Variants in CIMAP1D observed in about 807,000 individuals in gnomAD.
CIMAP1D encodes CIMAP1 family member D, also known as protein CIMAP1D.
chr19:476,085 G>A, the CIMAP1D span, among the ~76,000 whole-genome samples: 121 of 128,302 alleles, frequency 9.4e-4, 1 homozygote, highest in African/African-American at 3.3e-3. Flanking sequence ...TGGAACCTCC[G>A]CCTCCAGGGT....
chr19:477,387 A>C, the CIMAP1D span, among the ~76,000 whole-genome samples: 1 of 152,278 alleles, frequency 6.6e-6, no homozygotes, highest in African/African-American at 2.4e-5. Flanking sequence ...CAGCCTGGCC[A>C]CCATGGTGAA....
chr19:487,236 A>G, the CIMAP1D span, among the ~76,000 whole-genome samples: 1 of 152,138 alleles, frequency 6.6e-6, no homozygotes, highest in Non-Finnish European at 1.5e-5. Context: ...TGGTTGGCTC[A>G]TGTTGGCAGC....
the CIMAP1D span, among the ~76,000 whole-genome samples, chr19:479,055 C>T: frequency 3.3e-5 from 5 of 152,064 alleles, no homozygotes; most frequent in African/African-American, 9.7e-5. Context: ...TGTTGGAGGC[C>T]GAAAGAGTGA....
At chr19:481,582 A>T in the CIMAP1D span, among the ~76,000 whole-genome samples, 358 of 147,804 alleles carry the variant, frequency 2.4e-3, 4 homozygotes, top group Non-Finnish European at 1.2e-3. Flanking sequence ...GGGAAGGATG[A>T]TGGAGAAGGA....
the CIMAP1D span, among the ~76,000 whole-genome samples, chr19:470,373 ATTT>A: frequency 6.8e-6 from 1 of 148,006 alleles, no homozygotes; most frequent in African/African-American, 2.5e-5. Context: ...CGCCCGGCTA[ATTT>A]TTTTTTTTTT....
At chr19:483,505 G>C in the CIMAP1D span, among the ~76,000 whole-genome samples, 1 of 152,228 alleles carries the variant, frequency 6.6e-6, no homozygotes, top group Non-Finnish European at 1.5e-5. Context: ...ATGAGATCAT[G>C]GTGGGCTGAA....
At chr19:471,585 G>A in the CIMAP1D span, among the ~76,000 whole-genome samples, 1 of 152,078 alleles carries the variant, frequency 6.6e-6, no homozygotes, top group East Asian at 1.9e-4. Flanking sequence ...TGGGACCACA[G>A]GCACACACTA....
At chr19:482,670 C>T in the CIMAP1D span, among the ~76,000 whole-genome samples, 3 of 152,138 alleles carry the variant, frequency 2.0e-5, no homozygotes, top group Non-Finnish European at 4.4e-5. Context: ...TGCTCACAGG[C>T]GCCACCCCAC....
the CIMAP1D span, among the ~76,000 whole-genome samples, chr19:486,473 C>T: frequency 1.3e-5 from 2 of 151,744 alleles, no homozygotes; most frequent in Non-Finnish European, 2.9e-5. Flanking sequence ...TGGAGTCTTG[C>T]TCTATCACCC....
chr19:484,697 G>A, the CIMAP1D span, among the ~76,000 whole-genome samples: 2 of 152,196 alleles, frequency 1.3e-5, no homozygotes. Flanking sequence ...ACCGCACCTG[G>A]CGAGGCGGAG....
chr19:479,414 G>A, the CIMAP1D span, among the ~76,000 whole-genome samples: 11 of 114,800 alleles, frequency 9.6e-5, 2 homozygotes, highest in South Asian at 2.5e-3. Context: ...TTTTTTTTGG[G>A]GGGGGGGGGG....
the CIMAP1D span, among the ~76,000 whole-genome samples, chr19:483,394 C>T: frequency 0.26 from 39,200 of 152,002 alleles, 5,082 homozygotes; most frequent in East Asian, 0.28. Flanking sequence ...GCTGCCACTG[C>T]GTCTAGCACA....
the CIMAP1D span, among the ~76,000 whole-genome samples, chr19:484,139 C>CTTTT: frequency 6.2e-5 from 8 of 129,444 alleles, no homozygotes; most frequent in Non-Finnish European, 1.1e-4. Context: ...TTTTCTTTTT[C>CTTTT]TTTTTTTTTT....
chr19:483,053 T>C, the CIMAP1D span, among the ~76,000 whole-genome samples: 3 of 152,068 alleles, frequency 2.0e-5, no homozygotes, highest in Non-Finnish European at 4.4e-5. Context: ...CTCCACAGGG[T>C]CACTCTGAAG....
At chr19:464,264 G>T in the CIMAP1D span, 2 of 1,537,436 alleles carry the variant, frequency 1.3e-6, no homozygotes, top group Non-Finnish European at 8.8e-7. Context: ...GGGGCTTCAG[G>T]GGGAGGCGGC....
chr19:480,716 GTGGGAAGGATGA>G, the CIMAP1D span, among the ~76,000 whole-genome samples: 8 of 129,830 alleles, frequency 6.2e-5, no homozygotes, highest in Middle Eastern at 4.1e-3. Context: ...GAGAAGGAAT[GTGGGAAGGATGA>G]TGGGAAGGAT....
the CIMAP1D span, among the ~76,000 whole-genome samples, chr19:479,178 G>A: frequency 6.6e-6 from 1 of 152,142 alleles, no homozygotes; most frequent in African/African-American, 2.4e-5. Flanking sequence ...GTGCAGAAGG[G>A]CTGCTGAGGG....
the CIMAP1D span, among the ~76,000 whole-genome samples, chr19:469,214 G>A: frequency 6.8e-6 from 1 of 147,124 alleles, no homozygotes; most frequent in Admixed American, 6.6e-5. Flanking sequence ...GGAAGAGGCT[G>A]GGGAGATTCT....
At chr19:488,565 C>A in the CIMAP1D span, among the ~76,000 whole-genome samples, 1 of 152,250 alleles carries the variant, frequency 6.6e-6, no homozygotes, top group Non-Finnish European at 1.5e-5. Flanking sequence ...CGAGCGCCCT[C>A]GTCCCTCGCG....
Sources: gnomAD v4.1 joint callset for allele counts (sites outside exome capture counted in the v4.1 genomes callset) on GRCh38, gnomAD v4.1.1 for gene constraint, MANE v1.5 for transcripts, NCBI Gene and HGNC (gene_info 2026-07-23, HGNC 2026-07-21) for gene names.